ROBO2: variants seen among roughly 807,000 people sequenced by gnomAD.
ROBO2 encodes roundabout guidance receptor 2.
In ROBO2, 53 loss-of-function variants were observed where a neutral mutation model predicts 160.8. The ratio of observed to expected loss-of-function variants is 0.33; its 90% CI spans 0.26 to 0.41. The LOEUF (loss-of-function observed/expected upper bound fraction) is 0.41. Ranked by LOEUF, ROBO2 falls within the 10% of genes least tolerant of loss-of-function variation. The pLI, the probability that ROBO2 is intolerant of heterozygous loss-of-function variation, is 1.00. For synonymous variants in ROBO2, 664 were observed against 611.7 expected (o/e 1.09, Z -1.26); for missense variants, 1,577 against 1,722.4 (o/e 0.92, Z 1.49).
chr3:77,377,854 T>C (rs1313182369), intron 2 of ROBO2, among the ~76,000 whole-genome samples: 1 of 152,240 alleles, frequency 6.6e-6, no homozygotes, highest in East Asian at 1.9e-4. Context: ...TATCAGTGAC[T>C]AATGGTATTA....
At chr3:76,042,553 A>G (rs1002594849) in intron 2 of ROBO2, among the ~76,000 whole-genome samples, 6 of 152,024 alleles carry the variant, frequency 3.9e-5, no homozygotes, top group African/African-American at 1.5e-4. Context: ...TTGAGGGAAG[A>G]GAGACCCTCT....
At chr3:76,550,615 C>T (rs551603150) in intron 2 of ROBO2, among the ~76,000 whole-genome samples, 2 of 152,272 alleles carry the variant, frequency 1.3e-5, no homozygotes, top group African/African-American at 4.8e-5. Context: ...AGCCACAGCT[C>T]CAGACCCAGG....
At chr3:76,368,056 A>G (rs62262588) in intron 2 of ROBO2, among the ~76,000 whole-genome samples, 13,527 of 152,000 alleles carry the variant, frequency 0.089, 661 homozygotes, top group Non-Finnish European at 0.1. Flanking sequence ...TAAAATAGTC[A>G]TATATTACTA....
rs568164691 is a variant in ROBO2 at position 76,806,474 on chromosome 3, A to C, written c.110-291540A>C. On this transcript the variant is annotated intron_variant, in intron 2 of 26. Transcript: ENST00000487694. ...CAAACTCATTCTGGTCAAGTTGTTA[A>C]GGAAGGTGCAATGTAGTTTGTCTTC... Among the ~76,000 whole-genome samples the C allele has an allele frequency of 1.1e-3, 166 of 152,046 alleles. 3 individuals carry two copies. The highest frequency in any genetic ancestry group is 1.0e-3 in the Admixed American group (16 of 15,252).
At chr3:76,001,936 A>G (rs2065900688) in intron 2 of ROBO2, among the ~76,000 whole-genome samples, 1 of 152,240 alleles carries the variant, frequency 6.6e-6, no homozygotes, top group East Asian at 1.9e-4. Flanking sequence ...AGCACTTTGA[A>G]GAGTTTAAAA....
intron 2 of ROBO2, among the ~76,000 whole-genome samples, chr3:77,389,494 A>G (rs1465349190): frequency 6.6e-6 from 1 of 152,116 alleles, no homozygotes; most frequent in Non-Finnish European, 1.5e-5. Context: ...CACACAACAT[A>G]CTTTGGTATT....
intron 2 of ROBO2, among the ~76,000 whole-genome samples, chr3:76,981,192 C>T (rs532935124): frequency 8.5e-5 from 13 of 152,148 alleles, no homozygotes; most frequent in Non-Finnish European, 1.6e-4. Context: ...TTATTTCTCT[C>T]GTGTATATAC....
chr3:76,631,353 C>T (rs773002676), intron 2 of ROBO2, among the ~76,000 whole-genome samples: 7 of 151,836 alleles, frequency 4.6e-5, no homozygotes, highest in Non-Finnish European at 8.8e-5. Flanking sequence ...CGTTAAAATG[C>T]GGGAGCCTCT....
At chr3:77,585,747 G>A (rs1400172933) in intron 16 of ROBO2, among the ~76,000 whole-genome samples, 7 of 151,734 alleles carry the variant, frequency 4.6e-5, no homozygotes, top group African/African-American at 4.8e-5. Context: ...TTACTCCTTC[G>A]TATCTACCTT....
At chr3:76,162,917 A>C (rs377115195) in intron 2 of ROBO2, among the ~76,000 whole-genome samples, 4 of 152,016 alleles carry the variant, frequency 2.6e-5, no homozygotes, top group Admixed American at 2.0e-4. Context: ...TTGTTTTTAT[A>C]GTGCTATAAA....
intron 2 of ROBO2, among the ~76,000 whole-genome samples, chr3:76,923,072 A>G (rs1182489456): frequency 3.9e-5 from 6 of 152,200 alleles, no homozygotes; most frequent in Non-Finnish European, 8.8e-5. Context: ...TCAAGCTGTC[A>G]CACAGTTGCT....
chr3:76,433,110 T>G (rs74563092), intron 2 of ROBO2, among the ~76,000 whole-genome samples: 1 of 152,342 alleles, frequency 6.6e-6, no homozygotes, highest in East Asian at 1.9e-4. Flanking sequence ...GCTAGTTTTC[T>G]CATATATCTG....
intron 2 of ROBO2, among the ~76,000 whole-genome samples, chr3:76,455,811 A>G (rs893236259): frequency 2.6e-5 from 4 of 152,190 alleles, no homozygotes; most frequent in Non-Finnish European, 5.9e-5. Flanking sequence ...TGACTCATCA[A>G]TTCATTAAGC....
intron 2 of ROBO2, among the ~76,000 whole-genome samples, chr3:76,253,391 G>A (rs1706159508): frequency 6.6e-6 from 1 of 151,804 alleles, no homozygotes; most frequent in Non-Finnish European, 1.5e-5. Flanking sequence ...CCCCACCTCA[G>A]CCTCCTGAGT....
At chr3:77,040,141 T>A in exon 1 of ROBO2, 1 of 982,428 alleles carries the variant, frequency 1.0e-6, no homozygotes, top group Non-Finnish European at 1.2e-6. Flanking sequence ...CTGATTTCCC[T>A]TCTCCTCTCT....
chr3:76,130,099 G>A (rs953779767), intron 2 of ROBO2, among the ~76,000 whole-genome samples: 2 of 152,032 alleles, frequency 1.3e-5, no homozygotes, highest in African/African-American at 2.4e-5. Context: ...ATTTTGAAAA[G>A]GATGTGGAGA....
intron 2 of ROBO2, among the ~76,000 whole-genome samples, chr3:76,328,988 C>A (rs6548421): frequency 0.069 from 10,302 of 149,982 alleles, 432 homozygotes; most frequent in African/African-American, 0.12. Context: ...GTAAAGATTT[C>A]CAAACAGATG....
At chr3:77,462,096 A>G (rs565682986) in intron 2 of ROBO2, among the ~76,000 whole-genome samples, 3 of 152,342 alleles carry the variant, frequency 2.0e-5, no homozygotes, top group African/African-American at 7.2e-5. Flanking sequence ...AACTTTTTAT[A>G]AAATTGATAA....
intron 2 of ROBO2, among the ~76,000 whole-genome samples, chr3:77,368,842 A>C (rs4490333): frequency 0.82 from 125,271 of 152,104 alleles, 51,827 homozygotes; most frequent in East Asian, 1. Context: ...AAAGTTGGGT[A>C]TTTATCTTTT....
Sources: allele counts gnomAD v4.1 joint callset (sites outside exome capture counted in the v4.1 genomes callset), GRCh38; gene constraint gnomAD v4.1.1; transcripts MANE v1.5; gene names NCBI Gene and HGNC (gene_info 2026-07-23, HGNC 2026-07-21).